Variants in SLC36A1 observed in about 807,000 individuals in gnomAD.
SLC36A1 encodes the protein solute carrier family 36 member 1.
Under a neutral mutation model 47.5 loss-of-function variants are expected in SLC36A1, and 30 were observed. The ratio of observed to expected loss-of-function variants is 0.63; its 90% CI spans 0.47 to 0.86. The LOEUF (loss-of-function observed/expected upper bound fraction) is 0.86, where lower values mean the gene tolerates loss of function less well. SLC36A1 is among the 40% of genes least tolerant of loss of function. The pLI, the probability that SLC36A1 is intolerant of heterozygous loss-of-function variation, is 0.00. For missense variants in SLC36A1, 517 were observed against 606.0 expected, an observed-to-expected ratio of 0.85 and a Z score of 1.54; for synonymous variants, 255 against 249.7, an observed-to-expected ratio of 1.02 and a Z score of -0.20.
At chr5:151,468,384 TATGTACATGCATAATATATATTATATA>T (rs1756883868) in intron 7 of SLC36A1, among the ~76,000 whole-genome samples, 1 of 144,114 alleles carries the variant, frequency 6.9e-6, no homozygotes, top group Non-Finnish European at 1.5e-5. Flanking sequence ...TAATATATAT[TATGTACATGCATAATATATATTATATA>T]ATGTATGTAA....
the SLC36A1 span, among the ~76,000 whole-genome samples, chr5:151,421,560 C>CTT: frequency 1.4e-5 from 2 of 145,406 alleles, no homozygotes; most frequent in Non-Finnish European, 1.5e-5. Flanking sequence ...AGAGTTTTTT[C>CTT]TTTTTCTTTT....
At chr5:151,544,553 G>T in the SLC36A1 span, 7 of 1,613,896 alleles carry the variant, frequency 4.3e-6, no homozygotes, top group Middle Eastern at 1.6e-4. Flanking sequence ...GCCTGGGTGT[G>T]GAGAATTGGG....
chr5:151,437,398 C>T (rs1399586932), intron 1 of SLC36A1, among the ~76,000 whole-genome samples: 1 of 152,142 alleles, frequency 6.6e-6, no homozygotes, highest in Non-Finnish European at 1.5e-5. Flanking sequence ...CTATAGTCTC[C>T]TTATCTGACT....
the SLC36A1 span, among the ~76,000 whole-genome samples, chr5:151,529,568 A>G: frequency 1.3e-4 from 19 of 146,594 alleles, no homozygotes; most frequent in African/African-American, 4.4e-4. Context: ...CTTCCCCATC[A>G]TCTCCCTCAT....
the SLC36A1 span, among the ~76,000 whole-genome samples, chr5:151,350,200 C>T: frequency 6.6e-6 from 1 of 152,068 alleles, no homozygotes; most frequent in African/African-American, 2.4e-5. Flanking sequence ...CCTTCTACCC[C>T]CATCTAAATA....
intron 9 of SLC36A1, chr5:151,477,515 G>A (rs1758238353): frequency 6.6e-6 from 1 of 152,308 alleles, no homozygotes; most frequent in South Asian, 2.1e-4. Context: ...AACCAGGCTT[G>A]ACCCTGCTTA....
the SLC36A1 span, chr5:151,543,182 G>T: frequency 1.2e-6 from 2 of 1,614,068 alleles, no homozygotes; most frequent in Non-Finnish European, 1.7e-6. Flanking sequence ...AATCCCACCA[G>T]GCTGTCTTTC....
chr5:151,514,434 TCTTA>T, the SLC36A1 span, among the ~76,000 whole-genome samples: 78 of 152,320 alleles, frequency 5.1e-4, no homozygotes, highest in East Asian at 0.014. Context: ...CCTATCTCTT[TCTTA>T]CTTCGTAGAA....
At chr5:151,482,892 C>T (rs1005526389) in intron 10 of SLC36A1, among the ~76,000 whole-genome samples, 3 of 152,038 alleles carry the variant, frequency 2.0e-5, no homozygotes, top group Non-Finnish European at 4.4e-5. Flanking sequence ...ACAAAATTAG[C>T]CTGGTGTGGT....
At chr5:151,547,067 TTTAAA>T in the SLC36A1 span, among the ~76,000 whole-genome samples, 1 of 152,216 alleles carries the variant, frequency 6.6e-6, no homozygotes, top group Non-Finnish European at 1.5e-5. Context: ...GATGTTTTCC[TTTAAA>T]TTAACTCACT....
chr5:151,554,329 T>G, the SLC36A1 span: 1 of 1,585,920 alleles, frequency 6.3e-7, no homozygotes, highest in Non-Finnish European at 8.6e-7. Flanking sequence ...AGCATGCCAC[T>G]CCTCCCTCCG....
At chr5:151,347,976 G>A in the SLC36A1 span, among the ~76,000 whole-genome samples, 4 of 152,258 alleles carry the variant, frequency 2.6e-5, no homozygotes, top group African/African-American at 9.6e-5. Context: ...ACCTATTTCT[G>A]TCTCCAAGAA....
the SLC36A1 span, chr5:151,381,216 C>A: frequency 2.9e-6 from 1 of 347,534 alleles, no homozygotes; most frequent in Non-Finnish European, 5.7e-6. Flanking sequence ...TATGCCTCCT[C>A]CTCAGGAATG....
At chr5:151,430,491 T>G in the SLC36A1 span, among the ~76,000 whole-genome samples, 1 of 151,848 alleles carries the variant, frequency 6.6e-6, no homozygotes, top group African/African-American at 2.4e-5. Flanking sequence ...CCTGGCTAAA[T>G]TTTTTTGTAT....
In SLC36A1 at chr5:151,492,318, T is replaced by A. The variant is rs1760192060; in HGVS notation, c.*4064T>A. 6.6e-6 allele frequency: 1 copy of A among 152,236 alleles called. No homozygotes were observed. Among genetic ancestry groups the A allele is most frequent in the Non-Finnish European group, 1.5e-5 (1 of 68,040 alleles). The allele number at this position is 152,236 out of a possible 1,614,324, so 9.4% of individuals were successfully genotyped here. On this transcript the variant is annotated 3_prime_UTR_variant, in exon 11 of 11. Transcript: ENST00000243389. ...AGTTCGTAGATCCTGTTTTGGGGTT[T>A]GCACATGGATCGTATGTTAAGCTTT...
the SLC36A1 span, among the ~76,000 whole-genome samples, chr5:151,392,375 G>A: frequency 2.6e-5 from 4 of 151,916 alleles, no homozygotes; most frequent in East Asian, 1.9e-4. Context: ...TGATTTTTTT[G>A]AAGGATTTTT....
At chr5:151,518,657 G>A in the SLC36A1 span, among the ~76,000 whole-genome samples, 1 of 152,276 alleles carries the variant, frequency 6.6e-6, no homozygotes, top group South Asian at 2.1e-4. Context: ...TAGACTGTAT[G>A]GCCAAAACTT....
the SLC36A1 span, among the ~76,000 whole-genome samples, chr5:151,502,000 G>A: frequency 6.7e-6 from 1 of 148,402 alleles, no homozygotes; most frequent in Non-Finnish European, 1.5e-5. Context: ...AAAGAAATAA[G>A]CCAGACTTCC....
downstream of SLC36A1, among the ~76,000 whole-genome samples, chr5:151,494,121 T>G (rs2127557509): frequency 6.6e-6 from 1 of 152,288 alleles, no homozygotes. Context: ...ATTGCATTAC[T>G]ACTGGAGGCA....
Sources: allele counts gnomAD v4.1 joint callset (sites outside exome capture counted in the v4.1 genomes callset), GRCh38; gene constraint gnomAD v4.1.1; transcripts MANE v1.5; gene names NCBI Gene and HGNC (gene_info 2026-07-23, HGNC 2026-07-21).